PCDH15: variants seen among roughly 807,000 people sequenced by gnomAD.
PCDH15 encodes the protein protocadherin-15.
PCDH15 carries 129 observed loss-of-function variants against 178.5 expected under a neutral mutation model. That is an observed-to-expected ratio of 0.72 (90% confidence interval 0.63 to 0.84). The LOEUF is 0.84. PCDH15 is among the 40% of genes least tolerant of loss of function. The pLI is 0.00. For missense variants in PCDH15, 2,230 were observed against 2,099.9 expected (o/e 1.06, Z -1.21); for synonymous variants, 800 against 732.0 (o/e 1.09, Z -1.50).
rs77907207 is a variant in PCDH15 at position 55,106,029 on chromosome 10, GT to G, written c.-80+60546del. ...AGGATATTATTCATCTGTATTATAA[GT>G]TTTTTTTTTTTTGGTTGTTACAACT... On this transcript the variant is annotated intron_variant, in intron 2 of 5. Transcript: ENST00000458638. Among the ~76,000 whole-genome samples the G allele has an allele frequency of 1.4e-3, 202 of 143,984 alleles. 1 individual carries two copies. The highest frequency in any genetic ancestry group is 2.2e-3 in the Admixed American group (32 of 14,352). 94.5% of individuals were successfully genotyped at this position (143,984 alleles called of 152,430 possible). A position where few individuals can be genotyped will look rare whatever the true frequency, so the allele number is the denominator to read the frequency against.
chr10:54,103,679 G>A (rs74945549), intron 15 of PCDH15, among the ~76,000 whole-genome samples: 5,561 of 152,166 alleles, frequency 0.037, 326 homozygotes, highest in African/African-American at 0.13. Context: ...AGAGAGATCC[G>A]GCATTTCCAG....
chr10:53,998,620 C>A (rs560847092), intron 20 of PCDH15, among the ~76,000 whole-genome samples: 12 of 150,402 alleles, frequency 8.0e-5, no homozygotes, highest in South Asian at 2.1e-4. Context: ...TCTACACACA[C>A]AAAAAAAATA....
At chr10:55,475,774 G>T (rs1840051138) in intron 2 of PCDH15, among the ~76,000 whole-genome samples, 1 of 152,032 alleles carries the variant, frequency 6.6e-6, no homozygotes, top group African/African-American at 2.4e-5. Flanking sequence ...AAACACTTTG[G>T]TCCCAAGCCT....
chr10:55,170,710 C>T (rs1440304126), intron 1 of PCDH15, among the ~76,000 whole-genome samples: 5 of 151,772 alleles, frequency 3.3e-5, no homozygotes, highest in Admixed American at 6.6e-5. Flanking sequence ...GGTGAAACCC[C>T]GTCTCCACTA....
chr10:54,260,523 TA>T (rs1421771051), intron 8 of PCDH15, among the ~76,000 whole-genome samples: 34 of 152,192 alleles, frequency 2.2e-4, no homozygotes, highest in Admixed American at 7.2e-4. Context: ...ATATAGTCTT[TA>T]AAAACATTCA....
intron 8 of PCDH15, among the ~76,000 whole-genome samples, chr10:54,240,085 T>C (rs1356240386): frequency 6.6e-6 from 1 of 152,060 alleles, no homozygotes; most frequent in African/African-American, 2.4e-5. Context: ...ATAAATAACA[T>C]GCATTATGTT....
chr10:55,164,937 T>TTTGTA (rs71461283), intron 2 of PCDH15, among the ~76,000 whole-genome samples: 34,570 of 151,792 alleles, frequency 0.23, 4,084 homozygotes, highest in East Asian at 0.3. Context: ...TATTAGAGTG[T>TTTGTA]TTGTATTGGA....
intron 2 of PCDH15, among the ~76,000 whole-genome samples, chr10:55,016,624 T>C (rs923676734): frequency 3.3e-5 from 5 of 152,178 alleles, no homozygotes; most frequent in African/African-American, 7.2e-5. Flanking sequence ...TGTGTATATG[T>C]ACCAACTTTT....
At chr10:55,273,430 G>T (rs915739762) in intron 1 of PCDH15, among the ~76,000 whole-genome samples, 1 of 151,984 alleles carries the variant, frequency 6.6e-6, no homozygotes, top group African/African-American at 2.4e-5. Context: ...AATATAGGAG[G>T]TAATTAAGAA....
intron 2 of PCDH15, among the ~76,000 whole-genome samples, chr10:55,530,063 A>G (rs1230653802): frequency 6.6e-6 from 1 of 151,698 alleles, no homozygotes; most frequent in East Asian, 1.9e-4. Context: ...TTGTCTCATT[A>G]CTTTTCATCT....
chr10:54,142,487 G>A (rs1459275288), intron 14 of PCDH15, among the ~76,000 whole-genome samples: 1 of 152,142 alleles, frequency 6.6e-6, no homozygotes, highest in African/African-American at 2.4e-5. Flanking sequence ...GTAGGTGTGT[G>A]AGATGGTGAG....
intron 2 of PCDH15, 124 bp downstream of exon 2, chr10:54,664,048 A>G (rs2094531971): frequency 3.9e-6 from 3 of 772,524 alleles, no homozygotes; most frequent in Non-Finnish European, 6.6e-6. Context: ...GTTAATTATT[A>G]CACAGAGATA....
At position 55,593,414 on chromosome 10, in the gene PCDH15, C is replaced by T. The variant is rs553601816; in HGVS notation, c.-156+34211G>A. 6.6e-5 allele frequency among the ~76,000 whole-genome samples: 10 copies of T among 151,848 alleles called. No homozygotes were observed. In the South Asian group the frequency reaches 2.1e-3, roughly 32 times the overall value. On this transcript the variant is annotated intron_variant, in intron 2 of 5. Coordinates refer to the PCDH15 transcript ENST00000613346. ...ATAATTTATGTATCAAGGAAAAAAT[C>T]AGTAAGTTCAATTTTTTCAATAAAA...
chr10:54,051,963 C>T (rs1013446275), intron 18 of PCDH15, among the ~76,000 whole-genome samples: 1 of 152,194 alleles, frequency 6.6e-6, no homozygotes, highest in Non-Finnish European at 1.5e-5. Flanking sequence ...GGGCACAAGC[C>T]CTAAGCCTTG....
At chr10:54,048,778 T>G (rs149621927) in intron 18 of PCDH15, among the ~76,000 whole-genome samples, 1 of 152,162 alleles carries the variant, frequency 6.6e-6, no homozygotes, top group African/African-American at 2.4e-5. Flanking sequence ...GCTTGTAGTA[T>G]AGTTTGAAGT....
intron 7 of PCDH15, among the ~76,000 whole-genome samples, chr10:54,326,658 A>T (rs1333356100): frequency 2.6e-5 from 4 of 152,160 alleles, no homozygotes; most frequent in African/African-American, 9.6e-5. Flanking sequence ...TAAATGGCTG[A>T]ACTGAGATTT....
At chr10:53,892,077 T>G (rs1589279920) in intron 26 of PCDH15, among the ~76,000 whole-genome samples, 1 of 136,316 alleles carries the variant, frequency 7.3e-6, no homozygotes, top group African/African-American at 2.9e-5. Context: ...CAGGCCGGAG[T>G]GCCGTGGTGG....
chr10:54,795,491 T>C (rs983655059), intron 1 of PCDH15, among the ~76,000 whole-genome samples: 1 of 151,868 alleles, frequency 6.6e-6, no homozygotes, highest in Non-Finnish European at 1.5e-5. Flanking sequence ...ATGTTTCATA[T>C]TAAAAAACCA....
intron 3 of PCDH15, among the ~76,000 whole-genome samples, chr10:54,441,236 A>G (rs2136155479): frequency 1.3e-5 from 2 of 152,070 alleles, no homozygotes; most frequent in Admixed American, 1.3e-4. Context: ...CAGTGCACAG[A>G]ATACTTTGTA....
Sources: allele counts gnomAD v4.1 joint callset (sites outside exome capture counted in the v4.1 genomes callset), GRCh38; gene constraint gnomAD v4.1.1; transcripts MANE v1.5; gene names NCBI Gene and HGNC (gene_info 2026-07-23, HGNC 2026-07-21).